GRIK3: variants seen among roughly 807,000 people sequenced by gnomAD.
GRIK3 encodes glutamate receptor ionotropic, kainate 3.
GRIK3 carries 29 observed loss-of-function variants against 102.5 expected under a neutral mutation model. The ratio of observed to expected loss-of-function variants is 0.28; its 90% CI spans 0.21 to 0.39. The LOEUF is 0.39. GRIK3 is among the 10% of genes least tolerant of loss of function. The probability of loss-of-function intolerance (pLI) is 1.00; values close to 1 mark genes in which losing one functional copy is unlikely to be tolerated. For synonymous variants in GRIK3, 511 were observed against 504.9 expected (o/e 1.01, Z -0.16); for missense variants, 908 against 1,252.4 (o/e 0.73, Z 4.15).
intron 1 of GRIK3, among the ~76,000 whole-genome samples, chr1:37,031,503 C>T (rs1027587059): frequency 1.2e-4 from 19 of 152,360 alleles, no homozygotes; most frequent in African/African-American, 4.3e-4. Flanking sequence ...GGGGTGGGTA[C>T]GATGCTCCTC....
intron 1 of GRIK3, among the ~76,000 whole-genome samples, chr1:36,992,792 T>G: frequency 6.6e-6 from 1 of 152,276 alleles, no homozygotes; most frequent in Admixed American, 6.5e-5. Context: ...CTCACGACTC[T>G]GTGAGGTGAG....
chr1:37,012,706 A>T (rs1421335472), intron 1 of GRIK3, among the ~76,000 whole-genome samples: 4 of 152,244 alleles, frequency 2.6e-5, no homozygotes, highest in African/African-American at 9.6e-5. Flanking sequence ...TAAAGGAATG[A>T]TTCACCTCCA....
intron 1 of GRIK3, among the ~76,000 whole-genome samples, chr1:36,975,014 T>C (rs1452566598): frequency 6.6e-6 from 1 of 152,096 alleles, no homozygotes; most frequent in Non-Finnish European, 1.5e-5. Flanking sequence ...TGGGGAACTA[T>C]TGTTTCATGG....
intron 1 of GRIK3, among the ~76,000 whole-genome samples, chr1:37,014,345 G>A (rs1642629522): frequency 6.6e-6 from 1 of 152,234 alleles, no homozygotes; most frequent in Admixed American, 6.5e-5. Context: ...AGAAAGAAGA[G>A]AGGAGGAAAG....
intron 1 of GRIK3, among the ~76,000 whole-genome samples, chr1:36,963,901 A>G (rs1205796129): frequency 6.6e-6 from 1 of 152,128 alleles, no homozygotes; most frequent in East Asian, 1.9e-4. Context: ...TGAGCCTCAG[A>G]TTGTTTCCAT....
At chr1:36,942,409 C>T (rs1641733039) in intron 1 of GRIK3, among the ~76,000 whole-genome samples, 1 of 152,218 alleles carries the variant, frequency 6.6e-6, no homozygotes, top group Non-Finnish European at 1.5e-5. Flanking sequence ...AAAGGCTCCT[C>T]TGGTAAAGAC....
chr1:37,010,288 A>G (rs570641845), intron 1 of GRIK3, among the ~76,000 whole-genome samples: 1 of 152,308 alleles, frequency 6.6e-6, no homozygotes, highest in South Asian at 2.1e-4. Flanking sequence ...TGAGTTGTAA[A>G]TATGTTAAGA....
rs900773596 is a variant in GRIK3 at position 36,819,909 on chromosome 1, C to T, written c.1755-55G>A. 4 of 886,082 alleles carry T rather than the reference C, an allele frequency of 4.5e-6. No individual in the cohort carries two copies. In the African/African-American group the frequency reaches 6.6e-5, roughly 15 times the overall value. The allele number at this position is 886,082 out of a possible 1,614,324, so 54.9% of individuals were successfully genotyped here. On this transcript the variant is annotated intron_variant, in intron 11 of 15. Transcript: ENST00000373091. The surrounding 1 kb of genome is among the most constrained non-coding windows in gnomAD (Gnocchi z 4.1). ...TGGGAAGCAAGGGGCATCCACGCCCCAGCAGGCAGTGGTTTAGCAAACACA... is the reference window on the plus strand; with the variant it reads ...TGGGAAGCAAGGGGCATCCACGCCCTAGCAGGCAGTGGTTTAGCAAACACA...
At chr1:36,828,323 T>G (rs1407659100) in intron 10 of GRIK3, among the ~76,000 whole-genome samples, 2 of 152,186 alleles carry the variant, frequency 1.3e-5, no homozygotes, top group Admixed American at 1.3e-4. Context: ...CCAAGTCCTG[T>G]CCCTTCAAAG....
intron 1 of GRIK3, among the ~76,000 whole-genome samples, chr1:36,896,323 C>T (rs1226078253): frequency 2.0e-5 from 3 of 152,010 alleles, no homozygotes; most frequent in Non-Finnish European, 2.9e-5. Flanking sequence ...CTTATGTATG[C>T]TTATATATGA....
At chr1:37,000,206 C>T (rs1385110863) in intron 1 of GRIK3, among the ~76,000 whole-genome samples, 1 of 152,164 alleles carries the variant, frequency 6.6e-6, no homozygotes, top group African/African-American at 2.4e-5. Flanking sequence ...CTTCAGAAGT[C>T]CACTGTCTCA....
chr1:36,813,338 T>C (rs761049210), intron 13 of GRIK3, among the ~76,000 whole-genome samples: 19 of 152,238 alleles, frequency 1.2e-4, no homozygotes, highest in Non-Finnish European at 2.4e-4. Flanking sequence ...AAGTGTTCAT[T>C]AAGTGTTACT....
intron 9 of GRIK3, among the ~76,000 whole-genome samples, chr1:36,842,989 A>G (rs1640478328): frequency 6.6e-6 from 1 of 151,608 alleles, no homozygotes; most frequent in East Asian, 1.9e-4. Flanking sequence ...ACCCCCCACC[A>G]TCCACCCCCT....
At chr1:36,969,915 A>G (rs956915148) in intron 1 of GRIK3, among the ~76,000 whole-genome samples, 1 of 152,276 alleles carries the variant, frequency 6.6e-6, no homozygotes, top group African/African-American at 2.4e-5. Context: ...AACTATGACC[A>G]TATGAAAAAT....
intron 3 of GRIK3, among the ~76,000 whole-genome samples, chr1:36,878,333 C>T (rs1640931301): frequency 6.6e-6 from 1 of 152,244 alleles, no homozygotes; most frequent in Non-Finnish European, 1.5e-5. Context: ...GGCTGGGGAT[C>T]CCTGCTCTCA....
chr1:36,963,670 G>A (rs1445256149), intron 1 of GRIK3, among the ~76,000 whole-genome samples: 2 of 152,186 alleles, frequency 1.3e-5, no homozygotes, highest in African/African-American at 4.8e-5. Context: ...GATCTATAAA[G>A]AGGAGTGAGA....
chr1:36,837,829 T>C (rs564933547), intron 10 of GRIK3, among the ~76,000 whole-genome samples: 1 of 152,164 alleles, frequency 6.6e-6, no homozygotes, highest in Non-Finnish European at 1.5e-5. Flanking sequence ...GGATGGCAGA[T>C]GGGGACTCCC....
Position 36,820,902 on chromosome 1 carries a change from C to T in GRIK3, c.1755-1048G>A, listed in dbSNP as rs576462445. ...AATTGAAGGGAGTTTTTGTTCACTG[C>T]GTGAGTTCCAGTTGAGGATATGTAT... On this transcript the variant is annotated intron_variant, in intron 11 of 15. Coordinates refer to ENST00000373091, the MANE Select transcript of GRIK3 (RefSeq NM_000831.4). Among the ~76,000 whole-genome samples, 12 of 152,192 alleles carry T rather than the reference C, an allele frequency of 7.9e-5. No homozygotes were observed. In the East Asian group the frequency reaches 9.6e-4, roughly 12 times the overall value.
intron 1 of GRIK3, among the ~76,000 whole-genome samples, chr1:37,011,226 T>C (rs1014355753): frequency 2.6e-5 from 4 of 152,204 alleles, no homozygotes; most frequent in Admixed American, 2.6e-4. Context: ...AAGTCTCAGT[T>C]TTCCCATCTG....
Sources: allele counts gnomAD v4.1 joint callset (sites outside exome capture counted in the v4.1 genomes callset), GRCh38; gene constraint gnomAD v4.1.1; non-coding constraint Gnocchi (gnomAD v3.1); transcripts MANE v1.5; gene names NCBI Gene and HGNC (gene_info 2026-07-23, HGNC 2026-07-21).